UAP1: variants seen among roughly 807,000 people sequenced by gnomAD.
UAP1 encodes the protein UDP-N-acetylglucosamine pyrophosphorylase 1, also known as UDP-N-acetylhexosamine pyrophosphorylase.
UAP1 carries 25 observed loss-of-function variants against 58.5 expected under a neutral mutation model. The ratio of observed to expected loss-of-function variants is 0.43; its 90% confidence interval spans 0.31 to 0.60. The LOEUF is 0.60. UAP1 is among the 20% of genes least tolerant of loss of function. UAP1 has a pLI of 0.11. For missense variants in UAP1, 575 were observed against 630.0 expected (o/e 0.91, Z 0.93); for synonymous variants, 208 against 213.0 (o/e 0.98, Z 0.21).
chr1:162,566,352 C>T lies in UAP1; in HGVS notation c.280+4C>T. On this transcript the variant is annotated splice_donor_region_variant and intron_variant, in intron 2 of 10. Coordinates refer to ENST00000271469, the Ensembl canonical transcript of UAP1. ...CTCCAGGCCTGGGAAAGTGAAGGTA[C>T]TGGGCATGTACATATTTCTTACTGA... 6.2e-7 allele frequency: 1 copy of T among 1,611,150 alleles called. No homozygotes were observed. The highest frequency in any genetic ancestry group is 8.5e-7 in the Non-Finnish European group (1 of 1,178,586).
chr1:162,596,217 C>T (rs958167962), intron 9 of UAP1, among the ~76,000 whole-genome samples: 2 of 151,606 alleles, frequency 1.3e-5, no homozygotes, highest in African/African-American at 4.9e-5. Flanking sequence ...GCTCTGTCAC[C>T]CCGGCTAGAG....
At chr1:162,601,232 G>A (rs1023542778), downstream of UAP1, among the ~76,000 whole-genome samples, 1 of 152,212 alleles carries the variant, frequency 6.6e-6, no homozygotes, top group Non-Finnish European at 1.5e-5. Context: ...TAATTTGGCA[G>A]TAACAGTATA....
exon 7 of UAP1, chr1:162,588,729 A>G: frequency 6.2e-7 from 1 of 1,612,534 alleles, no homozygotes; most frequent in Non-Finnish European, 8.5e-7. Context: ...ATGTGGCTCA[A>G]AAGAAGATTC....
chr1:162,566,645 A>G (rs745969147), intron 2 of UAP1, among the ~76,000 whole-genome samples: 12 of 148,112 alleles, frequency 8.1e-5, no homozygotes, highest in Non-Finnish European at 1.8e-4. Flanking sequence ...TTTTTTTTTT[A>G]AGACAGAGTC....
chr1:162,577,255 A>T (rs1221329195), intron 3 of UAP1, among the ~76,000 whole-genome samples: 2 of 151,826 alleles, frequency 1.3e-5, no homozygotes, highest in East Asian at 3.9e-4. Context: ...CTAGAAACTC[A>T]TATTTTCAGG....
rs1473678691 is a variant in UAP1, at chr1:162,581,267, T to C, written c.662-20T>C. 3 of 1,602,314 alleles carry C rather than the reference T, an allele frequency of 1.9e-6. No individual in the cohort carries two copies. The Admixed American group carries it at 5.1e-5, about 27-fold the overall frequency. On this transcript the variant is annotated intron_variant, in intron 4 of 10. Coordinates refer to ENST00000271469, the Ensembl canonical transcript of UAP1. ...ATGATGGATTTTGATATGCTACTAA[T>C]GGGCTATTTTGTTTTCCAGATGGGA... is the stretch of plus-strand genomic sequence containing the variant.
At chr1:162,591,651 A>G (rs1223155790) in intron 8 of UAP1, among the ~76,000 whole-genome samples, 1 of 151,960 alleles carries the variant, frequency 6.6e-6, no homozygotes, top group Non-Finnish European at 1.5e-5. Context: ...AAGCCCAGCT[A>G]ATTTTTGTAT....
chr1:162,565,294 C>A (rs938626535), intron 1 of UAP1, among the ~76,000 whole-genome samples: 2 of 152,134 alleles, frequency 1.3e-5, no homozygotes, highest in Non-Finnish European at 2.9e-5. Flanking sequence ...TATTTTTTAG[C>A]ACTATGAAGT....
chr1:162,597,539 A>G (rs2101849376), intron 9 of UAP1: 1 of 431,068 alleles, frequency 2.3e-6, no homozygotes, highest in East Asian at 3.9e-5. Flanking sequence ...CAGTGTGTAA[A>G]AACTAGTGAA....
chr1:162,583,176 G>A (rs527931137), intron 5 of UAP1, among the ~76,000 whole-genome samples: 5 of 96,406 alleles, frequency 5.2e-5, no homozygotes, highest in African/African-American at 1.6e-4. Context: ...TTTTTGAGAC[G>A]CAGTCTTGCA....
At chr1:162,587,626 C>G in exon 6 of UAP1, 1 of 1,613,980 alleles carries the variant, frequency 6.2e-7, no homozygotes, top group South Asian at 1.1e-5. Context: ...GGGAACATTG[C>G]CAACCATTTC....
At chr1:162,585,678 A>C (rs1654864848) in intron 5 of UAP1, among the ~76,000 whole-genome samples, 1 of 152,238 alleles carries the variant, frequency 6.6e-6, no homozygotes, top group Non-Finnish European at 1.5e-5. Flanking sequence ...TTGCCATAGA[A>C]GTAAACCTTT....
chr1:162,570,103 C>G lies in UAP1; in HGVS notation c.280+3755C>G, dbSNP rs193058944. On this transcript the variant is annotated intron_variant, in intron 2 of 10. Coordinates refer to ENST00000271469, the Ensembl canonical transcript of UAP1. ...GGCGGAGCTTGCAGTGAGCCAAGAT[C>G]GTGCCACTGTACTCCAGCCTGGTTG... Among the ~76,000 whole-genome samples the G allele has an allele frequency of 9.3e-3, 1,401 of 150,232 alleles. 25 individuals carry two copies. The highest frequency in any genetic ancestry group is 0.033 in the African/African-American group (1,343 of 40,896).
At chr1:162,597,582 C>T (rs2101849494) in intron 9 of UAP1, 1 of 513,706 alleles carries the variant, frequency 1.9e-6, no homozygotes, top group South Asian at 3.0e-5. Context: ...ATTATTGGCA[C>T]TTGCCCCAAA....
At chr1:162,563,989 C>T (rs1653339831) in intron 1 of UAP1, among the ~76,000 whole-genome samples, 1 of 152,152 alleles carries the variant, frequency 6.6e-6, no homozygotes, top group Non-Finnish European at 1.5e-5. Context: ...CTACAATGTA[C>T]TCCCTTAAAT....
At chr1:162,584,695 C>G (rs1654801337) in intron 5 of UAP1, among the ~76,000 whole-genome samples, 1 of 152,092 alleles carries the variant, frequency 6.6e-6, no homozygotes, top group Admixed American at 6.5e-5. Context: ...ATTGCCCAGG[C>G]TGGTCTTGAA....
chr1:162,592,666 A>T, intron 8 of UAP1, 66 bp from the exon 9 acceptor site: 1 of 1,259,328 alleles, frequency 7.9e-7, no homozygotes, highest in Non-Finnish European at 1.1e-6. Context: ...ATATTTTGCA[A>T]CTCCATTTCA....
intron 2 of UAP1, among the ~76,000 whole-genome samples, chr1:162,568,671 T>C (rs1653676345): frequency 1.3e-5 from 2 of 152,228 alleles, no homozygotes; most frequent in Admixed American, 1.3e-4. Context: ...TCTATTACTT[T>C]GGATTCACTA....
At chr1:162,563,059 G>C (rs960270676) in intron 1 of UAP1, among the ~76,000 whole-genome samples, 1 of 152,040 alleles carries the variant, frequency 6.6e-6, no homozygotes. Context: ...ATAATTTCTC[G>C]AGCAGATTTT....
Sources: gnomAD v4.1 joint callset for allele counts (sites outside exome capture counted in the v4.1 genomes callset) on GRCh38, gnomAD v4.1.1 for gene constraint, MANE v1.5 for transcripts, NCBI Gene and HGNC (gene_info 2026-07-23, HGNC 2026-07-21) for gene names.